ZBTB20: variants seen among roughly 807,000 people sequenced by gnomAD.
The protein encoded by ZBTB20 is zinc finger and BTB domain-containing protein 20.
A neutral mutation model predicts 56.9 loss-of-function variants in ZBTB20; 9 were observed. The ratio of observed to expected loss-of-function variants is 0.16; its 90% CI spans 0.10 to 0.28. ZBTB20 has a LOEUF of 0.28. ZBTB20 is among the 10% of genes least tolerant of loss of function. The pLI is 1.00. For missense variants in ZBTB20, 655 were observed against 1,003.0 expected (o/e 0.65, Z 4.69); for synonymous variants, 417 against 420.7 (o/e 0.99, Z 0.11).
intron 1 of ZBTB20, among the ~76,000 whole-genome samples, chr3:115,111,383 G>A (rs1342952476): frequency 6.6e-6 from 1 of 151,928 alleles, no homozygotes; most frequent in Non-Finnish European, 1.5e-5. Flanking sequence ...AAATGGTTTG[G>A]GACTCCAATA....
intron 5 of ZBTB20, among the ~76,000 whole-genome samples, chr3:114,721,867 G>A (rs1292620114): frequency 6.6e-6 from 1 of 152,092 alleles, no homozygotes; most frequent in Non-Finnish European, 1.5e-5. Context: ...AGGAAATAAA[G>A]AAGATCTTCT....
At chr3:114,972,116 T>A (rs1057351711) in intron 3 of ZBTB20, among the ~76,000 whole-genome samples, 1 of 152,224 alleles carries the variant, frequency 6.6e-6, no homozygotes, top group African/African-American at 2.4e-5. Flanking sequence ...CTAAAATACC[T>A]ACTTAGAAAT....
intron 7 of ZBTB20, among the ~76,000 whole-genome samples, chr3:114,489,959 T>C (rs1462382398): frequency 6.6e-6 from 1 of 152,174 alleles, no homozygotes; most frequent in Non-Finnish European, 1.5e-5. Context: ...TTGGAAGTTA[T>C]AAACTTCCAC....
chr3:114,336,669 C>A lies in ZBTB20; in HGVS notation c.*2336G>T, dbSNP rs1338211993. On this transcript the variant is annotated 3_prime_UTR_variant, in exon 12 of 12. Coordinates refer to ENST00000675478, the MANE Select transcript of ZBTB20 (RefSeq NM_001348800.3). ...AAATGTCTAAAATATATGAATAAAA[C>A]CAATTTAGTCATTACAGAGTTGTTT... is the stretch of plus-strand genomic sequence containing the variant. 1 of 152,146 alleles carries A rather than the reference C, an allele frequency of 6.6e-6. No homozygotes were observed. The highest frequency in any genetic ancestry group is 2.4e-5 in the African/African-American group (1 of 41,434). The allele number at this position is 152,146 out of a possible 1,614,324, so 9.4% of individuals were successfully genotyped here.
intron 6 of ZBTB20, among the ~76,000 whole-genome samples, chr3:114,592,441 T>C (rs1560006812): frequency 6.6e-6 from 1 of 152,224 alleles, no homozygotes; most frequent in Non-Finnish European, 1.5e-5. Context: ...TCTATGTCTA[T>C]AACTTGCAGG....
intron 6 of ZBTB20, chr3:114,520,196 C>T (rs1236774518): frequency 6.6e-6 from 1 of 152,102 alleles, no homozygotes; most frequent in Non-Finnish European, 1.5e-5. Context: ...TTCTCTCTCA[C>T]TGTTTAACAG....
rs920785846 is a variant in ZBTB20 at position 114,808,391 on chromosome 3, G to A, written c.-416-7217C>T. Among the ~76,000 whole-genome samples the A allele has an allele frequency of 1.3e-5, 2 of 151,960 alleles. 1 individual carries two copies. Among genetic ancestry groups the A allele is most frequent in the Admixed American group, 1.3e-4 (2 of 15,258 alleles). ...TAGTATAGTATGAGATCAGGAATGA[G>A]AGAGAAGGTATCACCACCAACCCCA... On this transcript the variant is annotated intron_variant, in intron 4 of 11. Coordinates refer to ENST00000675478, the MANE Select transcript of ZBTB20 (RefSeq NM_001348800.3).
At chr3:114,579,169 A>G (rs2054392418) in intron 6 of ZBTB20, among the ~76,000 whole-genome samples, 1 of 151,858 alleles carries the variant, frequency 6.6e-6, no homozygotes, top group Non-Finnish European at 1.5e-5. Flanking sequence ...ATTTCAAGCC[A>G]GAAGTAAAAT....
At chr3:114,794,143 T>G (rs1169225407) in intron 5 of ZBTB20, among the ~76,000 whole-genome samples, 2 of 152,036 alleles carry the variant, frequency 1.3e-5, no homozygotes, top group Non-Finnish European at 2.9e-5. Flanking sequence ...TTAATCGTTC[T>G]GGGGCTCAGT....
intron 5 of ZBTB20, among the ~76,000 whole-genome samples, chr3:114,719,541 C>T (rs1400656978): frequency 1.3e-5 from 2 of 152,052 alleles, no homozygotes; most frequent in Non-Finnish European, 2.9e-5. Context: ...GTGTCTCCCT[C>T]CAGTATTGGG....
chr3:114,990,138 T>C (rs531311538), intron 2 of ZBTB20, among the ~76,000 whole-genome samples: 11 of 152,298 alleles, frequency 7.2e-5, no homozygotes, highest in Admixed American at 1.3e-4. Flanking sequence ...TCCAACACTA[T>C]GTTGAATAGG....
chr3:114,536,543 C>T (rs907814271), intron 6 of ZBTB20, among the ~76,000 whole-genome samples: 5 of 152,030 alleles, frequency 3.3e-5, no homozygotes, highest in Admixed American at 6.6e-5. Flanking sequence ...GAATCAATAT[C>T]GTGAAAATGG....
At chr3:114,562,820 G>A (rs1259333116) in intron 6 of ZBTB20, among the ~76,000 whole-genome samples, 3 of 152,116 alleles carry the variant, frequency 2.0e-5, no homozygotes, top group Non-Finnish European at 4.4e-5. Context: ...ACAGCTAGTT[G>A]GTAAGGCAGT....
chr3:114,549,547 T>C (rs1245549713), intron 6 of ZBTB20, among the ~76,000 whole-genome samples: 3 of 152,220 alleles, frequency 2.0e-5, no homozygotes, highest in Non-Finnish European at 2.9e-5. Flanking sequence ...ATCAATTTCT[T>C]TTTGTAAACA....
In ZBTB20 at chr3:114,785,720, A is replaced by T. The variant is rs574395698; in HGVS notation, c.-343+15381T>A. On this transcript the variant is annotated intron_variant, in intron 5 of 11. Coordinates refer to ENST00000675478, the MANE Select transcript of ZBTB20 (RefSeq NM_001348800.3). ...TCAAATACACATTACCACGGTCAAGATTATTAACATATCCATCACCTCATA... is the reference window on the plus strand; with the variant it reads ...TCAAATACACATTACCACGGTCAAGTTTATTAACATATCCATCACCTCATA... Among the ~76,000 whole-genome samples the T allele has an allele frequency of 4.6e-5, 7 of 152,222 alleles. No individual in the cohort carries two copies. The South Asian group carries it at 8.3e-4, about 18-fold the overall frequency.
At chr3:115,145,342 G>A (rs73230613) in intron 1 of ZBTB20, among the ~76,000 whole-genome samples, 10,327 of 152,216 alleles carry the variant, frequency 0.068, 498 homozygotes, top group Non-Finnish European at 0.11. Context: ...ACTTACAGTT[G>A]ACCCTCAGTA....
At chr3:114,423,477 A>C (rs745950803) in intron 7 of ZBTB20, among the ~76,000 whole-genome samples, 1 of 152,226 alleles carries the variant, frequency 6.6e-6, no homozygotes, top group Non-Finnish European at 1.5e-5. Context: ...GAAATGGGGA[A>C]AGCTTAGCAA....
rs1449851338 is a variant in ZBTB20, at chr3:114,338,648, GA to G, written c.*356del. On this transcript the variant is annotated 3_prime_UTR_variant, in exon 12 of 12. Transcript: ENST00000675478. ...TTTTTTGTAGTGCTCTTCACAAGTG[GA>G]AATTTTTTTTTTTTTTTTACTTTTT... 8 of 172,558 alleles carry G rather than the reference GA, an allele frequency of 4.6e-5. No homozygotes were observed. The highest frequency in any genetic ancestry group is 7.3e-5 in the Non-Finnish European group (6 of 82,152). 10.7% of individuals were successfully genotyped at this position (172,558 alleles called of 1,614,324 possible).
intron 1 of ZBTB20, among the ~76,000 whole-genome samples, chr3:115,095,371 G>T (rs1391166714): frequency 6.6e-6 from 1 of 152,132 alleles, no homozygotes; most frequent in East Asian, 1.9e-4. Flanking sequence ...TTTCAGCTGA[G>T]TGTCAAAAGA....
Sources: gnomAD v4.1 joint callset for allele counts (sites outside exome capture counted in the v4.1 genomes callset) on GRCh38, gnomAD v4.1.1 for gene constraint, MANE v1.5 for transcripts, NCBI Gene and HGNC (gene_info 2026-07-23, HGNC 2026-07-21) for gene names.